The following MUC13 variants were observed in gnomAD, a reference collection of about 807,000 sequenced individuals.
MUC13 encodes mucin 13, cell surface associated.
Under a neutral mutation model 48.3 loss-of-function variants are expected in MUC13, and 32 were observed. The ratio of observed to expected loss-of-function variants is 0.66; its 90% confidence interval spans 0.50 to 0.89. The LOEUF is 0.89. Ranked by LOEUF, MUC13 falls within the 40% of genes least tolerant of loss-of-function variation. The pLI is 0.00. For missense variants in MUC13, 571 were observed against 622.8 expected (o/e 0.92, Z 0.88); for synonymous variants, 199 against 224.9 (o/e 0.88, Z 1.03).
intron 2 of MUC13, 110 bp downstream of exon 2, chr3:124,927,422 C>T: frequency 1.0e-6 from 1 of 983,248 alleles, no homozygotes; most frequent in East Asian, 2.4e-5. Flanking sequence ...TCCAAAGAAA[C>T]CTTGGGCCTC....
chr3:124,910,344 G>A (rs1418118218), intron 10 of MUC13, 71 bp downstream of exon 10: 24 of 1,566,306 alleles, frequency 1.5e-5, no homozygotes, highest in Non-Finnish European at 2.0e-5. Flanking sequence ...GACCAACATG[G>A]GCAACATAGT....
chr3:124,919,672 A>G (rs539682855), intron 5 of MUC13, among the ~76,000 whole-genome samples: 1 of 152,266 alleles, frequency 6.6e-6, no homozygotes, highest in African/African-American at 2.4e-5. Context: ...TGCAATTGCT[A>G]ATTTCTTGAG....
At chr3:124,925,475 G>A (rs548199639) in intron 2 of MUC13, among the ~76,000 whole-genome samples, 1 of 152,240 alleles carries the variant, frequency 6.6e-6, no homozygotes, top group African/African-American at 2.4e-5. Flanking sequence ...TGTCACTGGA[G>A]GTTTATCAAT....
chr3:124,916,818 C>T (rs372551738), intron 5 of MUC13, among the ~76,000 whole-genome samples: 2 of 152,092 alleles, frequency 1.3e-5, no homozygotes, highest in African/African-American at 4.8e-5. Flanking sequence ...ACAAGTAATA[C>T]CTGAAATGGG....
Position 124,916,515 on chromosome 3 carries a change from G to A in MUC13, c.801-35C>T, listed in dbSNP as rs753214032. On this transcript the variant is annotated intron_variant, in intron 5 of 11. Transcript: ENST00000616727. ...AGATGAATCTGTCACTTAATGAATT[G>A]AACTGAAGAATCAACAAATAATTCT... is the stretch of plus-strand genomic sequence containing the variant. 69 of 1,572,382 alleles carry A rather than the reference G, an allele frequency of 4.4e-5. No individual in the cohort carries two copies. In the East Asian group the frequency reaches 1.0e-3, roughly 24 times the overall value.
At chr3:124,919,208 A>G (rs1406606115) in intron 5 of MUC13, among the ~76,000 whole-genome samples, 1 of 151,754 alleles carries the variant, frequency 6.6e-6, no homozygotes, top group Non-Finnish European at 1.5e-5. Context: ...GTGGTGGTGC[A>G]CACCCATAAT....
At chr3:124,914,482 G>A (rs532801899) in intron 6 of MUC13, among the ~76,000 whole-genome samples, 8 of 152,254 alleles carry the variant, frequency 5.3e-5, no homozygotes, top group Non-Finnish European at 1.2e-4. Context: ...GAGTCATATG[G>A]CTCCTCTCTA....
rs1324577001 is a variant in MUC13 at position 124,917,742 on chromosome 3, G to A, written c.801-1262C>T. The stretch of plus-strand genomic sequence containing the variant: ...CATAATTCATTTATGATGGGATTTG[G>A]TGGGGCGGGGGCGGGGGCGGGGGAG... On this transcript the variant is annotated intron_variant, in intron 5 of 11. Transcript: ENST00000616727. Among the ~76,000 whole-genome samples the A allele has an allele frequency of 2.1e-5, 3 of 139,994 alleles. No homozygotes were observed. In the East Asian group the frequency reaches 6.1e-4, roughly 28 times the overall value. 91.8% of individuals were successfully genotyped at this position (139,994 alleles called of 152,430 possible).
chr3:124,928,280 A>T (rs1935731496), intron 1 of MUC13, among the ~76,000 whole-genome samples: 1 of 152,164 alleles, frequency 6.6e-6, no homozygotes. Context: ...ATACATGGTT[A>T]TTTCTAAACA....
At chr3:124,921,060 T>C (rs931325807) in intron 4 of MUC13, among the ~76,000 whole-genome samples, 2 of 152,244 alleles carry the variant, frequency 1.3e-5, no homozygotes, top group Admixed American at 6.5e-5. Context: ...TTTTTACATG[T>C]TACCAGTTCT....
chr3:124,906,981 A>G lies in MUC13; in HGVS notation c.*1-239T>C, dbSNP rs148638352. On this transcript the variant is annotated intron_variant, in intron 11 of 11. Transcript: ENST00000616727. ...TCCTTCTTTCCATCTGTCTCCTGTCACTCTTCCTCCTAAAGTCTCTTACAG... is the reference window on the plus strand; with the variant it reads ...TCCTTCTTTCCATCTGTCTCCTGTCGCTCTTCCTCCTAAAGTCTCTTACAG... Among the ~76,000 whole-genome samples the G allele has an allele frequency of 1.5e-4, 23 of 150,760 alleles. No homozygotes were observed. In the East Asian group the frequency reaches 4.5e-3, roughly 29 times the overall value.
chr3:124,931,116 C>T (rs763891457), intron 1 of MUC13, among the ~76,000 whole-genome samples: 12 of 152,100 alleles, frequency 7.9e-5, no homozygotes, highest in Admixed American at 2.6e-4. Context: ...AAATCCTTAA[C>T]GTTACATTAA....
At chr3:124,919,840 A>G (rs35261167) in intron 5 of MUC13, among the ~76,000 whole-genome samples, 5,907 of 152,224 alleles carry the variant, frequency 0.039, 157 homozygotes, top group Non-Finnish European at 0.053. Flanking sequence ...CACACTTGCC[A>G]TATGAGGGAA....
chr3:124,924,950 C>G (rs755558124), intron 2 of MUC13, among the ~76,000 whole-genome samples: 3 of 152,094 alleles, frequency 2.0e-5, no homozygotes, highest in Non-Finnish European at 4.4e-5. Flanking sequence ...CATACTCTTA[C>G]GAGAAGATCT....
At chr3:124,908,064 G>T in intron 11 of MUC13, 83 bp downstream of exon 11, 2 of 1,344,306 alleles carry the variant, frequency 1.5e-6, no homozygotes, top group Non-Finnish European at 2.1e-6. Context: ...GGGCAGCCAA[G>T]GATTGAAGAT....
At chr3:124,911,875 A>G (rs565200816) in intron 9 of MUC13, among the ~76,000 whole-genome samples, 7 of 152,062 alleles carry the variant, frequency 4.6e-5, no homozygotes, top group African/African-American at 1.7e-4. Flanking sequence ...GTGCCAGCCC[A>G]CTCCTGGTGC....
intron 6 of MUC13, among the ~76,000 whole-genome samples, chr3:124,914,725 G>A (rs1319772867): frequency 3.9e-5 from 6 of 152,076 alleles, no homozygotes; most frequent in Admixed American, 1.3e-4. Context: ...TCAGGAGTTC[G>A]AGACCAGCCC....
chr3:124,909,289 T>A (rs1935375747), intron 10 of MUC13, among the ~76,000 whole-genome samples: 1 of 152,168 alleles, frequency 6.6e-6, no homozygotes, highest in African/African-American at 2.4e-5. Context: ...ACAGTAGCTT[T>A]AAAAAATCAA....
At chr3:124,911,316 A>G (rs1013050717) in intron 9 of MUC13, among the ~76,000 whole-genome samples, 7 of 152,204 alleles carry the variant, frequency 4.6e-5, no homozygotes, top group African/African-American at 1.7e-4. Context: ...TGCTGCCTTT[A>G]ATGTGAATTC....
Sources: gnomAD v4.1 joint callset for allele counts (sites outside exome capture counted in the v4.1 genomes callset) on GRCh38, gnomAD v4.1.1 for gene constraint, MANE v1.5 for transcripts, NCBI Gene and HGNC (gene_info 2026-07-23, HGNC 2026-07-21) for gene names.